PMS2: variants seen among roughly 807,000 people sequenced by gnomAD.
The protein encoded by PMS2 is PMS1 homolog 2, mismatch repair system component, also known as mismatch repair endonuclease PMS2.
PMS2 carries 69 observed loss-of-function variants against 90.0 expected under a neutral mutation model. The observed-to-expected ratio is 0.77, with a 90% CI of 0.63 to 0.94. The LOEUF (loss-of-function observed/expected upper bound fraction) is 0.94. PMS2 is among the 40% of genes least tolerant of loss of function. The pLI is 0.00. For missense variants in PMS2, 966 were observed against 1,040.2 expected, an observed-to-expected ratio of 0.93 and a Z score of 0.98; for synonymous variants, 332 against 375.1, an observed-to-expected ratio of 0.89 and a Z score of 1.33.
intron 8 of PMS2, among the ~76,000 whole-genome samples, chr7:5,993,162 G>A (rs548450914): frequency 6.6e-6 from 1 of 151,508 alleles, no homozygotes; most frequent in African/African-American, 2.4e-5. Flanking sequence ...CCTGAGCTCA[G>A]GAGTTCTTGA....
At chr7:6,003,577 GA>G (rs1409206503) in intron 4 of PMS2, 112 bp downstream of exon 4, 2 of 689,148 alleles carry the variant, frequency 2.9e-6, no homozygotes, top group Non-Finnish European at 5.2e-6. Flanking sequence ...ACAGAATTCA[GA>G]AGCTAGAAGT....
chr7:6,002,770 C>T, intron 4 of PMS2, 134 bp from the exon 5 acceptor site: 1 of 781,730 alleles, frequency 1.3e-6, no homozygotes, highest in Non-Finnish European at 2.3e-6. Flanking sequence ...TAATCAAGAT[C>T]TAAATGGTTG....
chr7:5,978,869 TTTTCTC>T (rs1176215365), intron 12 of PMS2, among the ~76,000 whole-genome samples, 173 bp from the exon 13 acceptor site: 3 of 149,476 alleles, frequency 2.0e-5, no homozygotes, highest in African/African-American at 7.5e-5. Context: ...TTCCTTTTAA[TTTTCTC>T]TTTCTTAAAG....
At chr7:5,995,038 A>G (rs1225921129) in intron 8 of PMS2, among the ~76,000 whole-genome samples, 1 of 151,882 alleles carries the variant, frequency 6.6e-6, no homozygotes, top group Non-Finnish European at 1.5e-5. Flanking sequence ...GTAGAAAAAA[A>G]TATATATATA....
intron 1 of PMS2, among the ~76,000 whole-genome samples, chr7:6,008,034 A>G (rs1376432805): frequency 6.6e-6 from 1 of 151,732 alleles, no homozygotes. Flanking sequence ...TAATTTTTGT[A>G]TTTTTAGTAG....
chr7:5,978,675 A>C lies in PMS2; in HGVS notation c.2196T>G (p.Thr732=). 6.3e-7 allele frequency: 1 copy of C among 1,595,966 alleles called. No homozygotes were observed. Residue 732 remains threonine, a synonymous_variant, in exon 13 of 15, where the codon ACT becomes ACG. Coordinates refer to ENST00000265849, the MANE Select transcript of PMS2 (RefSeq NM_000535.7). ...CTATCAGAACAGCTTCATTAACAGCAGTTAAGTTGAGAGTCTGAGGTCTGA... is the reference window on the plus strand; with the variant it reads ...CTATCAGAACAGCTTCATTAACAGCCGTTAAGTTGAGAGTCTGAGGTCTGA... ...RLIAPQTLNL[T]AVNEAVLIEN... is the part of the protein sequence containing the mutation.
intron 13 of PMS2, among the ~76,000 whole-genome samples, chr7:5,978,086 G>A (rs76241038): frequency 0.064 from 9,456 of 147,780 alleles, 287 homozygotes; most frequent in East Asian, 0.2. Context: ...GCACCACTGC[G>A]CTCCAGCCTG....
chr7:5,990,694 C>T (rs1293705368), intron 9 of PMS2, among the ~76,000 whole-genome samples: 2 of 152,100 alleles, frequency 1.3e-5, no homozygotes, highest in East Asian at 3.8e-4. Flanking sequence ...AGTAATTCTA[C>T]TCCCGGCAAT....
intron 9 of PMS2, among the ~76,000 whole-genome samples, chr7:5,991,267 T>C (rs1175837478): frequency 6.6e-6 from 1 of 151,718 alleles, no homozygotes; most frequent in Non-Finnish European, 1.5e-5. Context: ...CCAAAGAATA[T>C]GGGAGTAGGG....
At chr7:5,989,333 A>G (rs1783453501) in intron 10 of PMS2, among the ~76,000 whole-genome samples, 1 of 152,068 alleles carries the variant, frequency 6.6e-6, no homozygotes, top group South Asian at 2.1e-4. Context: ...CAGGAGGCTG[A>G]GGCAGGAGAA....
At chr7:5,981,906 G>A (rs544261646) in intron 12 of PMS2, among the ~76,000 whole-genome samples, 1 of 151,622 alleles carries the variant, frequency 6.6e-6, no homozygotes, top group Non-Finnish European at 1.5e-5. Flanking sequence ...GCAGATTCTA[G>A]GCACTGAATA....
At position 5,973,275 on chromosome 7, in the gene PMS2, G is replaced by T; in HGVS notation, c.*124C>A. The T allele has an allele frequency of 1.9e-6, 2 of 1,038,318 alleles. No homozygotes were observed. The highest frequency in any genetic ancestry group is 2.7e-5 in the East Asian group (1 of 36,386). The allele number at this position is 1,038,318 out of a possible 1,614,324, so 64.3% of individuals were successfully genotyped here. On this transcript the variant is annotated 3_prime_UTR_variant, in exon 15 of 15. Coordinates refer to ENST00000265849, the MANE Select transcript of PMS2 (RefSeq NM_000535.7). ...AAGGTTCTCAAGATCACTTTTAAATGGGTGTGATGTGTATTTTTTTTAAGT... is the reference window on the plus strand; with the variant it reads ...AAGGTTCTCAAGATCACTTTTAAATTGGTGTGATGTGTATTTTTTTTAAGT...
At chr7:6,007,880 G>C (rs1185783182) in intron 1 of PMS2, among the ~76,000 whole-genome samples, 4 of 124,866 alleles carry the variant, frequency 3.2e-5, no homozygotes, top group African/African-American at 1.2e-4. Context: ...TTTTTTTTGA[G>C]ACCGAGTCTT....
intron 9 of PMS2, among the ~76,000 whole-genome samples, chr7:5,991,195 C>G (rs975237422): frequency 6.6e-6 from 1 of 151,748 alleles, no homozygotes; most frequent in Admixed American, 6.6e-5. Context: ...TTTCTAATAA[C>G]ATGGAAAAGA....
At chr7:5,994,700 T>C (rs1051518195) in intron 8 of PMS2, among the ~76,000 whole-genome samples, 9 of 150,348 alleles carry the variant, frequency 6.0e-5, no homozygotes, top group Non-Finnish European at 1.2e-4. Flanking sequence ...GGCGTGAACC[T>C]GGGAGGCGGA....
intron 13 of PMS2, 123 bp downstream of exon 13, chr7:5,978,473 G>C (rs1378667707): frequency 8.8e-7 from 1 of 1,137,892 alleles, no homozygotes; most frequent in East Asian, 2.8e-5. Context: ...GTTTCACCAT[G>C]TTAGCCAGGC....
Position 5,999,041 on chromosome 7 carries a change from G to C in PMS2, c.705+67C>G, listed in dbSNP as rs557877134. On this transcript the variant is annotated intron_variant, in intron 6 of 14. Transcript: ENST00000265849. ...GATTTTATTCTCCATTCTACTGGAAGGGACAATGGAAACCCGCTATAATCA... is the reference window on the plus strand; with the variant it reads ...GATTTTATTCTCCATTCTACTGGAACGGACAATGGAAACCCGCTATAATCA... 3.2e-5 allele frequency: 46 copies of C among 1,444,002 alleles called. No homozygotes were observed. The African/African-American group carries it at 5.4e-4, about 17-fold the overall frequency. 89.4% of individuals were successfully genotyped at this position (1,444,002 alleles called of 1,614,324 possible).
chr7:5,998,689 A>C (rs1387366157), intron 6 of PMS2, among the ~76,000 whole-genome samples: 4 of 129,358 alleles, frequency 3.1e-5, no homozygotes, highest in South Asian at 2.6e-4. Context: ...GCAAGACTCC[A>C]GCTCAAAAAA....
intron 12 of PMS2, among the ~76,000 whole-genome samples, chr7:5,981,667 G>C (rs2128696347): frequency 6.6e-6 from 1 of 151,388 alleles, no homozygotes; most frequent in African/African-American, 2.4e-5. Flanking sequence ...ACTATCAATT[G>C]CCCTCATCAG....
Sources: allele counts gnomAD v4.1 joint callset (sites outside exome capture counted in the v4.1 genomes callset), GRCh38; gene constraint gnomAD v4.1.1; transcripts MANE v1.5; gene names NCBI Gene and HGNC (gene_info 2026-07-23, HGNC 2026-07-21).